Variants in DNAH14 observed in about 807,000 individuals in gnomAD.
DNAH14 encodes the protein axonemal beta dynein heavy chain 14.
In DNAH14, 478 loss-of-function variants were observed where a neutral mutation model predicts 520.9. The ratio of observed to expected loss-of-function variants is 0.92; its 90% CI spans 0.85 to 0.99. DNAH14 has a LOEUF of 0.99. Among genes scored for constraint, DNAH14 ranks in the 50% least tolerant of loss-of-function variants. DNAH14 has a pLI of 0.00. For missense variants in DNAH14, 4,831 were observed against 5,234.5 expected (o/e 0.92, Z 2.38); for synonymous variants, 1,581 against 1,757.2 (o/e 0.90, Z 2.51).
intron 27 of DNAH14, among the ~76,000 whole-genome samples, chr1:225,124,108 A>G (rs781338012): frequency 6.6e-6 from 1 of 152,164 alleles, no homozygotes; most frequent in Non-Finnish European, 1.5e-5. Flanking sequence ...TGCATGCCTT[A>G]ATTAAAAATA....
rs114470613 is a variant in DNAH14, at chr1:224,959,463, G to T, written c.218-690G>T. Among the ~76,000 whole-genome samples the T allele has an allele frequency of 4.0e-3, 614 of 152,094 alleles. 2 individuals are homozygous for T. The highest frequency in any genetic ancestry group is 0.014 in the African/African-American group (582 of 41,538). ...TCCCTTTGTTTTGTTTGTAATTATCGTGTCTTTTGCCTTACTAAATTGTAG... is the reference window on the plus strand; with the variant it reads ...TCCCTTTGTTTTGTTTGTAATTATCTTGTCTTTTGCCTTACTAAATTGTAG... On this transcript the variant is annotated intron_variant, in intron 3 of 85. Coordinates refer to ENST00000682510, the MANE Select transcript of DNAH14 (RefSeq NM_001367479.1).
chr1:225,399,112 A>C lies in DNAH14; in HGVS notation c.13697A>C (p.Glu4566Ala). ...NQTDSELYAFECPVYQTPERS... is the reference protein window; with the variant it reads ...NQTDSELYAFACPVYQTPERS... ...ACAGATTCAGAACTCTATGCTTTTG[A>C]ATGCCCAGTTTACCAGACACCTGAG... The change falls in exon 86 of 86, where the codon GAA becomes GCA. Residue 4566 changes from glutamate (E) to alanine (A), a missense_variant. Transcript: ENST00000682510. 1.3e-6 allele frequency: 2 copies of C among 1,551,964 alleles called. No homozygotes were observed. The highest frequency in any genetic ancestry group is 1.7e-6 in the Non-Finnish European group (2 of 1,147,078).
At chr1:225,366,583 A>G (rs80274754) in intron 76 of DNAH14, among the ~76,000 whole-genome samples, 7,747 of 152,276 alleles carry the variant, frequency 0.051, 222 homozygotes, top group Middle Eastern at 0.068. Flanking sequence ...GCTAAGCAAC[A>G]ATTGCTGGCA....
chr1:225,230,987 C>A (rs998169715), intron 41 of DNAH14, 86 bp from the exon 42 acceptor site: 1 of 817,260 alleles, frequency 1.2e-6, no homozygotes, highest in Non-Finnish European at 1.9e-6. Context: ...ACTAACTAAA[C>A]AATGTTAAAG....
chr1:225,006,533 T>C (rs2064183031), intron 9 of DNAH14, among the ~76,000 whole-genome samples: 1 of 112,710 alleles, frequency 8.9e-6, no homozygotes, highest in Non-Finnish European at 2.0e-5. Context: ...TGGAAGTGTC[T>C]GTCTATTGGG....
Position 224,934,933 on chromosome 1 carries a change from A to T in DNAH14, c.-34+5098A>T, listed in dbSNP as rs548787566. On this transcript the variant is annotated intron_variant, in intron 1 of 85. Coordinates refer to ENST00000682510, the MANE Select transcript of DNAH14 (RefSeq NM_001367479.1). ...TATATTATCAGCTAAAATGAAGTGA[A>T]GGAGAAATGAAGTCATTCCTAGACA... is the stretch of plus-strand genomic sequence containing the variant. Among the ~76,000 whole-genome samples, 3 of 152,004 alleles carry T rather than the reference A, an allele frequency of 2.0e-5. No individual in the cohort carries two copies. In the South Asian group the frequency reaches 6.2e-4, roughly 32 times the overall value.
chr1:225,236,575 TTTG>T (rs1297471350), intron 42 of DNAH14, among the ~76,000 whole-genome samples: 2 of 150,684 alleles, frequency 1.3e-5, no homozygotes, highest in Non-Finnish European at 2.9e-5. Flanking sequence ...CCTGAATATC[TTTG>T]TTAATTTTCT....
chr1:225,111,462 T>C (rs541850612), intron 23 of DNAH14, among the ~76,000 whole-genome samples: 2 of 152,282 alleles, frequency 1.3e-5, no homozygotes, highest in East Asian at 3.9e-4. Flanking sequence ...TTGCTCTTTT[T>C]TGGTTTCCAT....
intron 58 of DNAH14, among the ~76,000 whole-genome samples, chr1:225,305,632 A>G (rs2150095262): frequency 6.6e-6 from 1 of 152,238 alleles, no homozygotes; most frequent in South Asian, 2.1e-4. Flanking sequence ...GCATCTACTC[A>G]CAAGTGCCCC....
chr1:225,150,274 T>G (rs878981087), intron 31 of DNAH14, among the ~76,000 whole-genome samples: 1 of 152,208 alleles, frequency 6.6e-6, no homozygotes, highest in Non-Finnish European at 1.5e-5. Flanking sequence ...AGGTTTTTGA[T>G]GTGCTGCTAG....
intron 54 of DNAH14, among the ~76,000 whole-genome samples, chr1:225,286,323 AG>A (rs1203545264): frequency 6.6e-6 from 1 of 152,200 alleles, no homozygotes; most frequent in Admixed American, 6.5e-5. Context: ...CACAACACAA[AG>A]GACAATGTTT....
chr1:225,222,535 C>T (rs947865777), intron 41 of DNAH14, among the ~76,000 whole-genome samples: 1 of 152,132 alleles, frequency 6.6e-6, no homozygotes, highest in African/African-American at 2.4e-5. Flanking sequence ...GCTGGGGTTG[C>T]CAGCTTTTAT....
Position 225,252,370 on chromosome 1 carries a change from T to C in DNAH14, c.6818T>C (p.Ile2273Thr). The C allele has an allele frequency of 6.5e-7, 1 of 1,549,466 alleles. No homozygotes were observed. The highest frequency in any genetic ancestry group is 1.2e-5 in the South Asian group (1 of 83,856). The change falls in exon 44 of 86, where the codon ATA becomes ACA. Residue 2273 changes from isoleucine to threonine, a missense_variant. Ile to Thr is a moderately conservative substitution (Grantham distance 89). Transcript: ENST00000682510. The stretch of plus-strand genomic sequence containing the variant: ...GTGGATATAGAGCAATGTGAATTCA[T>C]ACCTTGGTCAGATTTAGTTCCTAAT... ...YFVDIEQCEF[I>T]PWSDLVPNDQ... is the part of the protein sequence containing the mutation.
rs1169409080 is a variant in DNAH14 at position 224,944,195 on chromosome 1, T to G, written c.-33-8475T>G. On this transcript the variant is annotated intron_variant, in intron 1 of 85. Transcript: ENST00000682510. ...TGGGTGCTCCTGTATTGGCTGCATA[T>G]ATATTTAGGATAGTTAGCTCTTCTT... 1.1e-4 allele frequency among the ~76,000 whole-genome samples: 17 copies of G among 152,348 alleles called. No homozygotes were observed. In the East Asian group the frequency reaches 2.3e-3, roughly 21 times the overall value.
chr1:225,347,130 T>C (rs529602301), intron 71 of DNAH14, among the ~76,000 whole-genome samples: 1 of 152,346 alleles, frequency 6.6e-6, no homozygotes, highest in Admixed American at 6.5e-5. Flanking sequence ...ATAACAGAAT[T>C]TATCATCTCA....
chr1:224,976,735 A>G (rs1396902314), intron 8 of DNAH14, among the ~76,000 whole-genome samples: 1 of 151,080 alleles, frequency 6.6e-6, no homozygotes, highest in African/African-American at 2.4e-5. Context: ...ACACATGAAA[A>G]AATGCTCACC....
intron 72 of DNAH14, among the ~76,000 whole-genome samples, chr1:225,352,902 T>C (rs1382765685): frequency 1.3e-5 from 2 of 152,100 alleles, no homozygotes; most frequent in African/African-American, 4.8e-5. Context: ...ATTATCTTTT[T>C]ATTTTGTTGC....
Position 225,360,790 on chromosome 1 carries a change from C to A in DNAH14, c.11886C>A (p.Asp3962Glu), listed in dbSNP as rs776416300. 1 of 1,551,704 alleles carries A rather than the reference C, an allele frequency of 6.4e-7. No individual in the cohort carries two copies. Among genetic ancestry groups the A allele is most frequent in the Non-Finnish European group, 8.7e-7 (1 of 1,146,974 alleles). ...GTGACCAAGCAGCTAAAGCTGAAGA[C>A]CTCATTTTAAAGGCACTAACAAAAA... ...LGRDQAAKAE[D>E]LILKALTKTQ... is the part of the protein sequence containing the mutation. Residue 3962 changes from aspartate to glutamate, a missense_variant, in exon 75 of 86, where the codon GAC becomes GAA. Asp to Glu is a conservative substitution (Grantham distance 45). Transcript: ENST00000682510.
rs576330684 is a variant in DNAH14 at position 224,940,976 on chromosome 1, C to T, written c.-34+11141C>T. ...CTATTGTGAATAGTGCCGCAATTAA[C>T]GTACCTGTGCATGTGTCTTTATAGC... is the stretch of plus-strand genomic sequence containing the variant. On this transcript the variant is annotated intron_variant, in intron 1 of 85. Transcript: ENST00000682510. Among the ~76,000 whole-genome samples the T allele has an allele frequency of 8.5e-5, 13 of 152,280 alleles. No homozygotes were observed. In the East Asian group the frequency reaches 1.3e-3, roughly 16 times the overall value.
Sources: allele counts gnomAD v4.1 joint callset (sites outside exome capture counted in the v4.1 genomes callset), GRCh38; gene constraint gnomAD v4.1.1; transcripts MANE v1.5; gene names NCBI Gene and HGNC (gene_info 2026-07-23, HGNC 2026-07-21).